Variants in MCU observed in about 807,000 individuals in gnomAD.
MCU encodes mitochondrial calcium uniporter.
Under a neutral mutation model 45.2 loss-of-function variants are expected in MCU, and 12 were observed. That is an observed-to-expected ratio of 0.27 (90% CI 0.17 to 0.43). The LOEUF is 0.43. Among genes scored for constraint, MCU ranks in the 20% least tolerant of loss-of-function variants. The pLI is 1.00. For missense variants in MCU, 324 were observed against 436.7 expected, an observed-to-expected ratio of 0.74 and a Z score of 2.30; for synonymous variants, 160 against 165.1, an observed-to-expected ratio of 0.97 and a Z score of 0.24.
In MCU at chr10:72,778,239, G is replaced by A. The variant is rs139290689; in HGVS notation, c.151-56120G>A. ...TATCTGCACTCCTATGTTTAATGCAGCAATATTCATAATAACCAAGATATG... is the reference window on the plus strand; with the variant it reads ...TATCTGCACTCCTATGTTTAATGCAACAATATTCATAATAACCAAGATATG... On this transcript the variant is annotated intron_variant, in intron 1 of 7. Transcript: ENST00000373053. Among the ~76,000 whole-genome samples, 85 of 152,228 alleles carry A rather than the reference G, an allele frequency of 5.6e-4. 1 individual carries two copies. The East Asian group carries it at 0.014, about 26-fold the overall frequency.
intron 1 of MCU, among the ~76,000 whole-genome samples, chr10:72,810,284 G>C (rs777635187): frequency 2.6e-5 from 4 of 151,914 alleles, no homozygotes; most frequent in African/African-American, 4.8e-5. Flanking sequence ...GTGAATTTCA[G>C]AAATTTCCTA....
chr10:72,874,861 T>C (rs189338674), intron 6 of MCU, among the ~76,000 whole-genome samples: 50 of 152,358 alleles, frequency 3.3e-4, no homozygotes, highest in Middle Eastern at 3.4e-3. Flanking sequence ...TATTTCCTTG[T>C]GGACTTTCCA....
intron 1 of MCU, among the ~76,000 whole-genome samples, chr10:72,830,274 T>C (rs1192547252): frequency 6.6e-6 from 1 of 152,254 alleles, no homozygotes; most frequent in African/African-American, 2.4e-5. Context: ...ACCCATGTTC[T>C]ATATCATCTA....
chr10:72,884,416 C>T, intron 7 of MCU, 34 bp downstream of exon 7: 1 of 1,203,376 alleles, frequency 8.3e-7, no homozygotes, highest in Non-Finnish European at 1.2e-6. Flanking sequence ...AAATCCCAGC[C>T]CTATCTTGCA....
chr10:72,878,111 C>CTTTTTTTTTTT (rs10715401), intron 6 of MCU, among the ~76,000 whole-genome samples: 1 of 77,950 alleles, frequency 1.3e-5, no homozygotes, highest in Non-Finnish European at 2.3e-5. Flanking sequence ...AATAATTTTG[C>CTTTTTTTTTTT]TTTTTTTTTT....
At chr10:72,813,450 C>CTTTTTTT (rs71021537) in intron 1 of MCU, among the ~76,000 whole-genome samples, 2 of 76,220 alleles carry the variant, frequency 2.6e-5, no homozygotes, top group Non-Finnish European at 2.4e-5. Context: ...CCAGCTCTCT[C>CTTTTTTT]TTTTTTTTTT....
At chr10:72,797,808 T>G (rs1013966036) in intron 1 of MCU, among the ~76,000 whole-genome samples, 2 of 151,884 alleles carry the variant, frequency 1.3e-5, no homozygotes, top group Non-Finnish European at 2.9e-5. Context: ...GTGCTGGGAT[T>G]ATAGGCGCCC....
intron 1 of MCU, among the ~76,000 whole-genome samples, chr10:72,722,381 C>A (rs1290700332): frequency 6.7e-6 from 1 of 150,318 alleles, no homozygotes; most frequent in African/African-American, 2.4e-5. Flanking sequence ...CCACCTTTTC[C>A]CCTTAACCTC....
intron 1 of MCU, chr10:72,692,692 T>A: frequency 8.2e-7 from 1 of 1,224,200 alleles, no homozygotes; most frequent in South Asian, 2.7e-5. Flanking sequence ...TCCCTCCTCC[T>A]CCGGGCGGGT....
intron 1 of MCU, among the ~76,000 whole-genome samples, chr10:72,738,562 C>T (rs1843282051): frequency 6.6e-6 from 1 of 151,980 alleles, no homozygotes; most frequent in African/African-American, 2.4e-5. Context: ...CATCTCAGCC[C>T]GTATTTTAAT....
At chr10:72,750,430 A>G (rs1438678226) in intron 1 of MCU, among the ~76,000 whole-genome samples, 1 of 152,190 alleles carries the variant, frequency 6.6e-6, no homozygotes, top group East Asian at 1.9e-4. Flanking sequence ...CTTTGTTGCA[A>G]GGCATTGATT....
intron 1 of MCU, among the ~76,000 whole-genome samples, chr10:72,737,040 G>T (rs926451365): frequency 1.3e-5 from 2 of 152,194 alleles, no homozygotes; most frequent in Non-Finnish European, 2.9e-5. Flanking sequence ...AGCGTGTGGG[G>T]TATATGAATT....
intron 1 of MCU, among the ~76,000 whole-genome samples, chr10:72,773,869 G>A (rs192837341): frequency 3.4e-4 from 52 of 152,240 alleles, no homozygotes; most frequent in Non-Finnish European, 6.3e-4. Flanking sequence ...AGAATATTTT[G>A]CAAAATTGTC....
chr10:72,734,057 C>T (rs779591557), intron 1 of MCU, among the ~76,000 whole-genome samples: 20 of 152,130 alleles, frequency 1.3e-4, no homozygotes, highest in South Asian at 6.2e-4. Flanking sequence ...GAACTAGAGG[C>T]AGAATCTATA....
intron 1 of MCU, among the ~76,000 whole-genome samples, chr10:72,764,421 C>T (rs1352439120): frequency 6.6e-6 from 1 of 152,136 alleles, no homozygotes; most frequent in Non-Finnish European, 1.5e-5. Flanking sequence ...GGTTTTGCAG[C>T]ATTCTAATGT....
At chr10:72,866,020 G>A (rs376566521) in intron 4 of MCU, among the ~76,000 whole-genome samples, 117 of 152,188 alleles carry the variant, frequency 7.7e-4, no homozygotes, top group Non-Finnish European at 1.3e-3. Flanking sequence ...CTCGTGATCC[G>A]CCCTCCTTGG....
In MCU at chr10:72,859,223, G is replaced by A. The variant is rs752397637; in HGVS notation, c.267G>A (p.Arg89=). The change falls in exon 3 of 8, where the codon AGG becomes AGA. Residue 89 remains arginine (R), a synonymous_variant. Coordinates refer to ENST00000373053, the MANE Select transcript of MCU (RefSeq NM_138357.3). ...YQNGLPVISV[R]LPSRRERCQF... ...ATGGGTTACCTGTGATATCTGTGAG[G>A]CTACCATCCCGGCGTGAACGCTGTC... 1.2e-6 allele frequency: 2 copies of A among 1,611,716 alleles called. No homozygotes were observed. Among genetic ancestry groups the A allele is most frequent in the Admixed American group, 3.4e-5 (2 of 59,428 alleles).
chr10:72,718,154 C>T (rs967127487), intron 1 of MCU, among the ~76,000 whole-genome samples: 2 of 152,040 alleles, frequency 1.3e-5, no homozygotes, highest in Non-Finnish European at 2.9e-5. Flanking sequence ...TATATGATCA[C>T]CTGAAGGTTA....
At chr10:72,711,670 A>G (rs1029615211) in intron 1 of MCU, among the ~76,000 whole-genome samples, 2 of 146,870 alleles carry the variant, frequency 1.4e-5, no homozygotes, top group African/African-American at 5.1e-5. Context: ...TAATTGGGCC[A>G]TTGCACTCCA....
Sources: allele counts gnomAD v4.1 joint callset (sites outside exome capture counted in the v4.1 genomes callset), GRCh38; gene constraint gnomAD v4.1.1; transcripts MANE v1.5; gene names NCBI Gene and HGNC (gene_info 2026-07-23, HGNC 2026-07-21).